The following PFKP variants were observed in gnomAD, a reference collection of about 807,000 sequenced individuals.
The protein encoded by PFKP is ATP-dependent 6-phosphofructokinase, platelet type.
Under a neutral mutation model 94.3 loss-of-function variants are expected in PFKP, and 101 were observed. That is an observed-to-expected ratio of 1.07 (90% CI 0.91 to 1.26). The LOEUF (loss-of-function observed/expected upper bound fraction) is 1.26. Ranked by LOEUF, PFKP falls within the 50% of genes most tolerant of loss-of-function variation. PFKP has a pLI of 0.00. For missense variants in PFKP, 1,145 were observed against 1,103.3 expected (o/e 1.04, Z -0.53); for synonymous variants, 573 against 432.6 (o/e 1.32, Z -4.03).
In PFKP at chr10:3,125,262, C is replaced by T. The variant is rs543611527; in HGVS notation, c.1684-4557C>T. 129 of 1,283,050 alleles carry T rather than the reference C, an allele frequency of 1.0e-4. 1 individual carries two copies. The highest frequency in any genetic ancestry group is 6.7e-4 in the Middle Eastern group (3 of 4,498). The allele number at this position is 1,283,050 out of a possible 1,614,324, so 79.5% of individuals were successfully genotyped here. A position where few individuals can be genotyped will look rare whatever the true frequency, so the allele number is the denominator to read the frequency against. On this transcript the variant is annotated intron_variant, in intron 16 of 21. Transcript: ENST00000381125. ...TGCTGTTGTTGAGGTAAGAGAACCC[C>T]GTTTCCTCTCATTGCTTTTCCGTCA... is the stretch of plus-strand genomic sequence containing the variant.
chr10:3,135,145 C>T (rs1839091268), intron 20 of PFKP, among the ~76,000 whole-genome samples: 1 of 152,096 alleles, frequency 6.6e-6, no homozygotes, highest in African/African-American at 2.4e-5. Flanking sequence ...ATGGCTGTTC[C>T]CCACTCATTC....
In PFKP at chr10:3,099,334, C is replaced by T. The variant is rs770638233; in HGVS notation, c.246C>T (p.Val82=). ...SNIAEADWES[V]SSILQVGGTI... ...TCGCAGAGGCCGACTGGGAGAGTGT[C>T]TCCAGCATCCTGCAAGTGGTAGGTA... is the stretch of plus-strand genomic sequence containing the variant. Residue 82 remains valine, a synonymous_variant, in exon 3 of 22, where the codon GTC becomes GTT. Coordinates refer to ENST00000381125, the MANE Select transcript of PFKP (RefSeq NM_002627.5). 18 of 1,614,002 alleles carry T rather than the reference C, an allele frequency of 1.1e-5. 1 individual carries two copies. Among genetic ancestry groups the T allele is most frequent in the East Asian group, 2.2e-5 (1 of 44,884 alleles).
chr10:3,105,608 C>T (rs1835464051), intron 7 of PFKP, 107 bp downstream of exon 7: 2 of 766,434 alleles, frequency 2.6e-6, no homozygotes, highest in African/African-American at 3.5e-5. Flanking sequence ...ATTTCTCTGT[C>T]TCCAGTTTGT....
chr10:3,130,707 G>A (rs9423483), intron 17 of PFKP, among the ~76,000 whole-genome samples: 11,909 of 152,150 alleles, frequency 0.078, 525 homozygotes, highest in Middle Eastern at 0.11. Flanking sequence ...TTACAGGCAC[G>A]TGCCACCACG....
In PFKP at chr10:3,096,861, G is replaced by T. The variant is rs190489254; in HGVS notation, c.187-2414G>T. 1.9e-3 allele frequency among the ~76,000 whole-genome samples: 259 copies of T among 137,458 alleles called. 11 individuals carry two copies. The East Asian group carries it at 0.049, about 26-fold the overall frequency. 90.2% of individuals were successfully genotyped at this position (137,458 alleles called of 152,430 possible). A position where few individuals can be genotyped will look rare whatever the true frequency, so the allele number is the denominator to read the frequency against. The stretch of plus-strand genomic sequence containing the variant: ...TGGGAGTCCGAGGCGGGCGGATCAC[G>T]AGGTCAGGAGATCGAGACCATCCTG... On this transcript the variant is annotated intron_variant, in intron 2 of 21. Transcript: ENST00000381125.
intron 16 of PFKP, among the ~76,000 whole-genome samples, chr10:3,127,234 C>T (rs929668069): frequency 2.6e-5 from 4 of 152,254 alleles, no homozygotes; most frequent in African/African-American, 9.6e-5. Flanking sequence ...TACCAGCTGT[C>T]GCTGCGTTTA....
intron 3 of PFKP, chr10:3,100,991 T>A (rs763809031): frequency 6.2e-7 from 1 of 1,612,080 alleles, no homozygotes; most frequent in Non-Finnish European, 8.5e-7. Flanking sequence ...CTGGCCGGCA[T>A]GCTCTGGTGG....
chr10:3,124,910 T>G (rs1837774609), intron 16 of PFKP, among the ~76,000 whole-genome samples: 2 of 151,890 alleles, frequency 1.3e-5, no homozygotes, highest in South Asian at 4.1e-4. Flanking sequence ...GGCGGCCCCC[T>G]GTGTTGCTGG....
intron 10 of PFKP, among the ~76,000 whole-genome samples, chr10:3,111,054 G>A (rs1836178175): frequency 6.6e-6 from 1 of 151,772 alleles, no homozygotes; most frequent in Non-Finnish European, 1.5e-5. Context: ...ATATGCATGT[G>A]TATATATGTG....
chr10:3,069,246 G>T (rs1331099634), intron 1 of PFKP: 5 of 1,441,776 alleles, frequency 3.5e-6, no homozygotes, highest in Non-Finnish European at 4.6e-6. Context: ...CCAGTAAAAG[G>T]ACCCCAGCAT....
At chr10:3,082,575 G>A (rs1236896681) in intron 2 of PFKP, 114 bp downstream of exon 2, 5 of 627,744 alleles carry the variant, frequency 8.0e-6, no homozygotes, top group African/African-American at 7.5e-5. Flanking sequence ...CGAAGAGGTG[G>A]GCAGGGGAGC....
At chr10:3,068,644 G>C in intron 1 of PFKP, 2 of 984,868 alleles carry the variant, frequency 2.0e-6, no homozygotes, top group Non-Finnish European at 2.4e-6. Flanking sequence ...ATTGAAGAGC[G>C]GAAGGTGGCG....
Position 3,136,693 on chromosome 10 carries a change from G to C in PFKP, c.*114G>C, listed in dbSNP as rs187881756. 5 of 1,162,666 alleles carry C rather than the reference G, an allele frequency of 4.3e-6. No homozygotes were observed. Among genetic ancestry groups the C allele is most frequent in the African/African-American group, 1.5e-5 (1 of 66,494 alleles). The allele number at this position is 1,162,666 out of a possible 1,614,324, so 72.0% of individuals were successfully genotyped here. On this transcript the variant is annotated 3_prime_UTR_variant, in exon 22 of 22. Transcript: ENST00000381125. ...TTATTGACATTAATACCTAATCGGC[G>C]AGTGCCCATCTGCCCCACCTGCTCC...
intron 2 of PFKP, among the ~76,000 whole-genome samples, chr10:3,082,984 T>C (rs1420688654): frequency 6.6e-6 from 1 of 152,196 alleles, no homozygotes; most frequent in Non-Finnish European, 1.5e-5. Context: ...GTTTTGGTAT[T>C]ACAGGTGTGA....
At chr10:3,126,894 C>G (rs145258620) in intron 16 of PFKP, among the ~76,000 whole-genome samples, 57 of 152,350 alleles carry the variant, frequency 3.7e-4, no homozygotes, top group African/African-American at 1.4e-3. Flanking sequence ...CACATCCCAT[C>G]GTGCAGGGGG....
At chr10:3,127,834 A>C (rs1336479186) in intron 16 of PFKP, among the ~76,000 whole-genome samples, 3 of 152,240 alleles carry the variant, frequency 2.0e-5, no homozygotes, top group Non-Finnish European at 4.4e-5. Flanking sequence ...TCAACCAATT[A>C]TTTTGGGAAG....
At position 3,118,468 on chromosome 10, in the gene PFKP, G is replaced by A. The variant is rs1227392409; in HGVS notation, c.1443-314G>A. On this transcript the variant is annotated intron_variant, in intron 14 of 21. Coordinates refer to ENST00000381125, the MANE Select transcript of PFKP (RefSeq NM_002627.5). ...GGTAACAAAGTGAGACTCCATCTTG[G>A]AAAAAAAAAATTGTTATTAATTATA... is the stretch of plus-strand genomic sequence containing the variant. Among the ~76,000 whole-genome samples the A allele has an allele frequency of 1.1e-4, 10 of 92,442 alleles. No homozygotes were observed. The South Asian group carries it at 1.1e-3, about 11-fold the overall frequency. The allele number at this position is 92,442 out of a possible 152,430, so 60.6% of individuals were successfully genotyped here.
At chr10:3,101,109 G>A in intron 3 of PFKP, 1 of 922,446 alleles carries the variant, frequency 1.1e-6, no homozygotes, top group Admixed American at 1.8e-5. Context: ...GTATTTAACT[G>A]CTGGCTGCCG....
rs1588399020 is a variant in PFKP, at chr10:3,080,131, A to C, written c.113-2257A>C. Among the ~76,000 whole-genome samples, 7 of 152,176 alleles carry C rather than the reference A, an allele frequency of 4.6e-5. No homozygotes were observed. The South Asian group carries it at 1.2e-3, about 27-fold the overall frequency. On this transcript the variant is annotated intron_variant, in intron 1 of 21. Coordinates refer to ENST00000381125, the MANE Select transcript of PFKP (RefSeq NM_002627.5). ...CTCCGAGTGCTGCCAGACAGGTGGG[A>C]GGTCCCTGGGGCATGGCCGGGAGCT...
Sources: gnomAD v4.1 joint callset for allele counts (sites outside exome capture counted in the v4.1 genomes callset) on GRCh38, gnomAD v4.1.1 for gene constraint, MANE v1.5 for transcripts, NCBI Gene and HGNC (gene_info 2026-07-23, HGNC 2026-07-21) for gene names.